Variants in PLCB1 observed in about 807,000 individuals in gnomAD.
The protein encoded by PLCB1 is phospholipase C beta 1.
Under a neutral mutation model 161.8 loss-of-function variants are expected in PLCB1, and 46 were observed. The ratio of observed to expected loss-of-function variants is 0.28; its 90% CI spans 0.22 to 0.36. PLCB1 has a LOEUF of 0.36. PLCB1 is among the 10% of genes least tolerant of loss of function. The pLI, the probability that PLCB1 is intolerant of heterozygous loss-of-function variation, is 1.00. For missense variants in PLCB1, 1,016 were observed against 1,472.5 expected (o/e 0.69, Z 5.07); for synonymous variants, 517 against 503.7 (o/e 1.03, Z -0.35).
chr20:8,525,324 A>G (rs1177749720), intron 3 of PLCB1, among the ~76,000 whole-genome samples: 1 of 151,948 alleles, frequency 6.6e-6, no homozygotes, highest in East Asian at 1.9e-4. Context: ...AAGGCATGCT[A>G]TTTATTTATA....
At chr20:8,623,279 A>C (rs1018500689) in intron 3 of PLCB1, among the ~76,000 whole-genome samples, 13 of 152,234 alleles carry the variant, frequency 8.5e-5, no homozygotes, top group African/African-American at 3.1e-4. Flanking sequence ...GAACCAGGAG[A>C]ATATTATCTG....
At chr20:8,672,566 C>T (rs1989973810) in intron 9 of PLCB1, among the ~76,000 whole-genome samples, 1 of 152,024 alleles carries the variant, frequency 6.6e-6, no homozygotes, top group African/African-American at 2.4e-5. Context: ...TGGGCATTTC[C>T]TAGCTAACCA....
intron 2 of PLCB1, among the ~76,000 whole-genome samples, chr20:8,266,586 G>A (rs1981964691): frequency 6.6e-6 from 1 of 152,222 alleles, no homozygotes; most frequent in Non-Finnish European, 1.5e-5. Context: ...CTACATGGAG[G>A]CTATTAATTG....
intron 9 of PLCB1, among the ~76,000 whole-genome samples, chr20:8,660,633 C>T (rs1989596631): frequency 6.6e-6 from 1 of 151,926 alleles, no homozygotes; most frequent in Non-Finnish European, 1.5e-5. Flanking sequence ...ACTGTAAAAC[C>T]CCATAATCCT....
At chr20:8,827,183 C>T (rs191242897) in intron 31 of PLCB1, among the ~76,000 whole-genome samples, 315 of 152,268 alleles carry the variant, frequency 2.1e-3, no homozygotes, top group African/African-American at 7.1e-3. Flanking sequence ...ACTATCCTTA[C>T]TAAGTGGTAG....
chr20:8,806,906 TCTC>T (rs1439473591), intron 31 of PLCB1, among the ~76,000 whole-genome samples: 1 of 152,104 alleles, frequency 6.6e-6, no homozygotes, highest in African/African-American at 2.4e-5. Flanking sequence ...GTGACCGTCT[TCTC>T]CTTTTCCTCT....
intron 31 of PLCB1, among the ~76,000 whole-genome samples, chr20:8,878,329 G>A (rs1377622745): frequency 2.0e-5 from 3 of 151,916 alleles, no homozygotes; most frequent in Admixed American, 6.6e-5. Flanking sequence ...TTGATGATGA[G>A]GTCTGAATGG....
chr20:8,147,159 A>G lies in PLCB1; in HGVS notation c.100-3135A>G, dbSNP rs530583556. Among the ~76,000 whole-genome samples the G allele has an allele frequency of 7.2e-5, 11 of 152,274 alleles. No homozygotes were observed. The East Asian group carries it at 1.7e-3, about 24-fold the overall frequency. ...CTGGACCAACAGCATCAGCATCACC[A>G]TGAGCTTCTTAGAAGTCCAGATTTT... On this transcript the variant is annotated intron_variant, in intron 1 of 31. Coordinates refer to ENST00000338037, the MANE Select transcript of PLCB1 (RefSeq NM_015192.4).
At chr20:8,880,370 G>T (rs1987929774) in intron 31 of PLCB1, among the ~76,000 whole-genome samples, 1 of 151,990 alleles carries the variant, frequency 6.6e-6, no homozygotes, top group Admixed American at 6.6e-5. Context: ...TTATGACTAA[G>T]ACATCCACGT....
chr20:8,834,585 C>T (rs1002672018), intron 31 of PLCB1, among the ~76,000 whole-genome samples: 7 of 151,892 alleles, frequency 4.6e-5, no homozygotes, highest in Admixed American at 3.3e-4. Context: ...GAAGCCAAGG[C>T]GGCCAGATCA....
chr20:8,324,452 G>A (rs1209478525), intron 2 of PLCB1, among the ~76,000 whole-genome samples: 1 of 152,134 alleles, frequency 6.6e-6, no homozygotes, highest in African/African-American at 2.4e-5. Context: ...TAATCACATA[G>A]TTGATTTCTT....
At chr20:8,866,782 C>T (rs1350754184) in intron 31 of PLCB1, among the ~76,000 whole-genome samples, 1 of 152,102 alleles carries the variant, frequency 6.6e-6, no homozygotes, top group African/African-American at 2.4e-5. Context: ...AGAATTCAAG[C>T]ACAACAAGCA....
chr20:8,563,636 A>G (rs560731387), intron 3 of PLCB1, among the ~76,000 whole-genome samples: 1 of 152,306 alleles, frequency 6.6e-6, no homozygotes, highest in East Asian at 1.9e-4. Context: ...CTGATAAGCA[A>G]CTTCAGCATA....
intron 2 of PLCB1, among the ~76,000 whole-genome samples, chr20:8,176,942 A>G (rs2051789657): frequency 6.6e-6 from 1 of 152,144 alleles, no homozygotes; most frequent in Non-Finnish European, 1.5e-5. Context: ...CTTTATTAAG[A>G]GTTTTTCATA....
chr20:8,292,893 A>G (rs980695133), intron 2 of PLCB1, among the ~76,000 whole-genome samples: 4 of 152,158 alleles, frequency 2.6e-5, no homozygotes, highest in Non-Finnish European at 5.9e-5. Context: ...GGGTTTTTAA[A>G]TCTGTTACCA....
intron 1 of PLCB1, among the ~76,000 whole-genome samples, chr20:8,141,415 GGAGTTCAAGACCA>G (rs926106598): frequency 1.0e-3 from 157 of 152,034 alleles, no homozygotes; most frequent in African/African-American, 3.7e-3. Context: ...CTTGAGGTCA[GGAGTTCAAGACCA>G]GCCTGGCCAA....
chr20:8,766,679 T>G (rs568006133), intron 26 of PLCB1, among the ~76,000 whole-genome samples: 1 of 152,324 alleles, frequency 6.6e-6, no homozygotes, highest in South Asian at 2.1e-4. Flanking sequence ...TTTGAGAGTC[T>G]CAGAGCAATG....
intron 3 of PLCB1, among the ~76,000 whole-genome samples, chr20:8,538,716 C>A (rs1480646778): frequency 6.6e-6 from 1 of 151,696 alleles, no homozygotes; most frequent in African/African-American, 2.4e-5. Context: ...TACAATGCAC[C>A]AATTCTGTGA....
chr20:8,416,224 C>T (rs189931059), intron 3 of PLCB1, among the ~76,000 whole-genome samples: 3 of 152,082 alleles, frequency 2.0e-5, no homozygotes, highest in African/African-American at 7.2e-5. Context: ...AAAACTTGGT[C>T]TGACAAGGGA....
Sources: allele counts gnomAD v4.1 joint callset (sites outside exome capture counted in the v4.1 genomes callset), GRCh38; gene constraint gnomAD v4.1.1; transcripts MANE v1.5; gene names NCBI Gene and HGNC (gene_info 2026-07-23, HGNC 2026-07-21).